ATXN1: variants seen among roughly 807,000 people sequenced by gnomAD.
The protein encoded by ATXN1 is ataxin-1.
ATXN1 carries 8 observed loss-of-function variants against 56.4 expected under a neutral mutation model. That is an observed-to-expected ratio of 0.14 (90% confidence interval 0.08 to 0.26). ATXN1 has a LOEUF of 0.26. ATXN1 is among the 10% of genes least tolerant of loss of function. The pLI, the probability that ATXN1 is intolerant of heterozygous loss-of-function variation, is 1.00. For missense variants in ATXN1, 987 were observed against 1,106.5 expected (o/e 0.89, Z 1.53); for synonymous variants, 514 against 494.6 (o/e 1.04, Z -0.52).
chr6:16,541,714 G>A (rs77856665), intron 4 of ATXN1, among the ~76,000 whole-genome samples: 72 of 152,284 alleles, frequency 4.7e-4, no homozygotes, highest in East Asian at 7.7e-4. Flanking sequence ...CAAATCAGAG[G>A]AGGCAGAAAG....
At chr6:16,642,350 G>A (rs957218916) in intron 3 of ATXN1, among the ~76,000 whole-genome samples, 16 of 152,130 alleles carry the variant, frequency 1.1e-4, no homozygotes, top group African/African-American at 3.6e-4. Flanking sequence ...AGCCGAGATC[G>A]CGCCACTGCA....
intron 6 of ATXN1, among the ~76,000 whole-genome samples, chr6:16,481,868 C>T (rs576013428): frequency 3.4e-4 from 52 of 152,196 alleles, no homozygotes; most frequent in East Asian, 2.9e-3. Flanking sequence ...ACAAAACCAC[C>T]GCCGTTCACA....
At chr6:16,572,477 A>G (rs535804363) in intron 4 of ATXN1, among the ~76,000 whole-genome samples, 1 of 152,258 alleles carries the variant, frequency 6.6e-6, no homozygotes, top group South Asian at 2.1e-4. Flanking sequence ...ATACCTCCCC[A>G]AGACTGACTC....
At chr6:16,563,081 A>C (rs1762152147) in intron 4 of ATXN1, among the ~76,000 whole-genome samples, 1 of 152,022 alleles carries the variant, frequency 6.6e-6, no homozygotes, top group South Asian at 2.1e-4. Flanking sequence ...TGCAACTGTG[A>C]GACAGGAGCA....
intron 7 of ATXN1, among the ~76,000 whole-genome samples, chr6:16,313,768 G>A (rs372385730): frequency 6.6e-6 from 1 of 151,852 alleles, no homozygotes; most frequent in African/African-American, 2.4e-5. Context: ...CACCATGTTG[G>A]CCAAGCTAGT....
At chr6:16,612,184 T>G (rs1177872812) in intron 3 of ATXN1, among the ~76,000 whole-genome samples, 1 of 151,852 alleles carries the variant, frequency 6.6e-6, no homozygotes, top group African/African-American at 2.4e-5. Flanking sequence ...AATAAAGATA[T>G]AGAGAAGTAG....
At chr6:16,704,004 A>G (rs1759350138) in intron 2 of ATXN1, among the ~76,000 whole-genome samples, 2 of 152,192 alleles carry the variant, frequency 1.3e-5, no homozygotes, top group Admixed American at 6.5e-5. Context: ...AGGCAACAAG[A>G]GCGAGATTCC....
At chr6:16,470,158 A>T (rs1003994361) in intron 6 of ATXN1, among the ~76,000 whole-genome samples, 8 of 152,194 alleles carry the variant, frequency 5.3e-5, no homozygotes, top group African/African-American at 1.9e-4. Flanking sequence ...CTAAAAAGGA[A>T]GGAAATTCTG....
intron 6 of ATXN1, among the ~76,000 whole-genome samples, chr6:16,333,081 C>G (rs750548208): frequency 6.6e-6 from 1 of 152,146 alleles, no homozygotes; most frequent in African/African-American, 2.4e-5. Context: ...AGGTGTTGTA[C>G]GTAAACACAG....
intron 6 of ATXN1, among the ~76,000 whole-genome samples, chr6:16,484,954 T>G (rs182469044): frequency 1.9e-3 from 193 of 103,750 alleles, no homozygotes; most frequent in African/African-American, 5.6e-3. Context: ...TATATGTGTG[T>G]GTGTGTGTGT....
intron 6 of ATXN1, among the ~76,000 whole-genome samples, chr6:16,436,487 T>C (rs1247633157): frequency 6.6e-6 from 1 of 152,200 alleles, no homozygotes; most frequent in Non-Finnish European, 1.5e-5. Context: ...CTGGTGACCA[T>C]TTTTTCAAGC....
At chr6:16,461,387 G>T (rs950117297) in intron 6 of ATXN1, among the ~76,000 whole-genome samples, 2 of 152,128 alleles carry the variant, frequency 1.3e-5, no homozygotes, top group Admixed American at 6.5e-5. Flanking sequence ...TCATCAAATG[G>T]CCAAATCCCT....
intron 6 of ATXN1, among the ~76,000 whole-genome samples, chr6:16,397,737 C>G (rs1218997803): frequency 6.6e-6 from 1 of 152,168 alleles, no homozygotes; most frequent in Admixed American, 6.5e-5. Context: ...TGCTGATTTA[C>G]TCCCTCTGTT....
At chr6:16,580,242 G>A (rs1466513197) in intron 4 of ATXN1, among the ~76,000 whole-genome samples, 6 of 152,138 alleles carry the variant, frequency 3.9e-5, no homozygotes, top group Admixed American at 2.6e-4. Context: ...CTCTTCCACC[G>A]CTGAATCCTA....
At chr6:16,601,867 C>T (rs560618482) in intron 3 of ATXN1, among the ~76,000 whole-genome samples, 133 of 152,006 alleles carry the variant, frequency 8.7e-4, no homozygotes, top group Admixed American at 1.7e-3. Context: ...AAGAAAAAAT[C>T]AATTTGTTTC....
At chr6:16,597,331 C>T (rs1048834460) in intron 3 of ATXN1, among the ~76,000 whole-genome samples, 2 of 152,226 alleles carry the variant, frequency 1.3e-5, no homozygotes, top group African/African-American at 4.8e-5. Context: ...CCTTTTTCTG[C>T]CCACAATTAT....
chr6:16,653,464 C>T (rs540729868), intron 3 of ATXN1, among the ~76,000 whole-genome samples: 1 of 152,314 alleles, frequency 6.6e-6, no homozygotes, highest in Admixed American at 6.5e-5. Context: ...AAAGAAATAC[C>T]ACTCAGAATA....
intron 2 of ATXN1, among the ~76,000 whole-genome samples, chr6:16,660,367 G>C (rs960241823): frequency 2.6e-5 from 4 of 152,152 alleles, no homozygotes; most frequent in African/African-American, 9.7e-5. Flanking sequence ...ATTTTAAAAA[G>C]GATCTCACTC....
chr6:16,664,148 C>T (rs1758379090), intron 2 of ATXN1, among the ~76,000 whole-genome samples: 1 of 152,056 alleles, frequency 6.6e-6, no homozygotes, highest in Non-Finnish European at 1.5e-5. Context: ...TGTCTTATGA[C>T]ACATGGAGCA....
Sources: gnomAD v4.1 joint callset for allele counts (sites outside exome capture counted in the v4.1 genomes callset) on GRCh38, gnomAD v4.1.1 for gene constraint, MANE v1.5 for transcripts, NCBI Gene and HGNC (gene_info 2026-07-23, HGNC 2026-07-21) for gene names.